Variants in ZBED4 observed in about 807,000 individuals in gnomAD.
ZBED4 encodes the protein zinc finger BED domain-containing protein 4.
ZBED4 carries 4 observed loss-of-function variants against 15.5 expected under a neutral mutation model. That is an observed-to-expected ratio of 0.26 (90% CI 0.13 to 0.59). ZBED4 has a LOEUF of 0.59. ZBED4 is among the 20% of genes least tolerant of loss of function. The pLI is 0.90. For synonymous variants in ZBED4, 692 were observed against 608.5 expected, an observed-to-expected ratio of 1.14 and a Z score of -2.02; for missense variants, 1,323 against 1,461.8, an observed-to-expected ratio of 0.91 and a Z score of 1.55.
At chr22:49,872,800 G>A (rs1185222352) in intron 1 of ZBED4, among the ~76,000 whole-genome samples, 2 of 151,922 alleles carry the variant, frequency 1.3e-5, no homozygotes, top group Non-Finnish European at 2.9e-5. Flanking sequence ...TGCCTCCCAG[G>A]TTCAAGCGAA....
chr22:49,879,807 G>A lies in ZBED4; in HGVS notation c.-329-3527G>A, dbSNP rs1185055880. Among the ~76,000 whole-genome samples, 3 of 8,444 alleles carry A rather than the reference G, an allele frequency of 3.6e-4. No homozygotes were observed. In the African/African-American group the frequency reaches 4.7e-3, roughly 13 times the overall value. The allele number at this position is 8,444 out of a possible 152,430, so 5.5% of individuals were successfully genotyped here. A position where few individuals can be genotyped will look rare whatever the true frequency, so the allele number is the denominator to read the frequency against. On this transcript the variant is annotated intron_variant, in intron 1 of 1. Coordinates refer to ENST00000216268, the MANE Select transcript of ZBED4 (RefSeq NM_014838.3). Reference sequence around the variant, plus strand: ...GGTTTTTCTCCTGGTCAGTGTCTGGGCGTGTTTCTATTGGTTGGTTTTTCT... The same window carrying A: ...GGTTTTTCTCCTGGTCAGTGTCTGGACGTGTTTCTATTGGTTGGTTTTTCT...
At chr22:49,859,818 G>A (rs1009304148) in intron 1 of ZBED4, among the ~76,000 whole-genome samples, 2 of 152,204 alleles carry the variant, frequency 1.3e-5, no homozygotes, top group African/African-American at 2.4e-5. Context: ...TTGAGCTCAG[G>A]AGTTCCAGAC....
intron 1 of ZBED4, among the ~76,000 whole-genome samples, chr22:49,878,870 C>T (rs1013144179): frequency 5.8e-4 from 88 of 151,978 alleles, no homozygotes; most frequent in Middle Eastern, 3.4e-3. Context: ...GTGGGCCAGG[C>T]GTGGTGGCTC....
Position 49,859,390 on chromosome 22 carries a change from A to T in ZBED4, c.-330+5401A>T, listed in dbSNP as rs186964223. ...AAGCCTTTTGTTTTGTGATGCTCAAATAGCTATAAATGTGACTAGTTGGGA... is the reference window on the plus strand; with the variant it reads ...AAGCCTTTTGTTTTGTGATGCTCAATTAGCTATAAATGTGACTAGTTGGGA... On this transcript the variant is annotated intron_variant, in intron 1 of 1. Transcript: ENST00000216268. 6.6e-5 allele frequency among the ~76,000 whole-genome samples: 10 copies of T among 152,162 alleles called. No individual in the cohort carries two copies. The East Asian group carries it at 1.7e-3, about 26-fold the overall frequency.
rs576561067 is a variant in ZBED4 at position 49,874,730 on chromosome 22, A to G, written c.-329-8604A>G. Among the ~76,000 whole-genome samples the G allele has an allele frequency of 4.5e-4, 51 of 113,202 alleles. No individual in the cohort carries two copies. The Admixed American group carries it at 4.7e-3, about 10-fold the overall frequency. 74.3% of individuals were successfully genotyped at this position (113,202 alleles called of 152,430 possible). A position where few individuals can be genotyped will look rare whatever the true frequency, so the allele number is the denominator to read the frequency against. The stretch of plus-strand genomic sequence containing the variant: ...GAGTCTCACTCTGTCGCCAGGCTGG[A>G]GGGCAATGGCTCGATCTCAGCTCAC... On this transcript the variant is annotated intron_variant, in intron 1 of 1. Transcript: ENST00000216268.
Position 49,887,698 on chromosome 22 carries a change from G to A in ZBED4, c.*520G>A, listed in dbSNP as rs1385300770. 6.0e-6 allele frequency: 1 copy of A among 168,052 alleles called. No homozygotes were observed. The highest frequency in any genetic ancestry group is 1.5e-5 in the Non-Finnish European group (1 of 68,726). The allele number at this position is 168,052 out of a possible 1,614,324, so 10.4% of individuals were successfully genotyped here. Reference sequence around the variant, plus strand: ...AACCGCAGGTTCTAAAGTGTCCCGCGGAGTACAGATAATATTCTGGAAGGT... The same window carrying A: ...AACCGCAGGTTCTAAAGTGTCCCGCAGAGTACAGATAATATTCTGGAAGGT... On this transcript the variant is annotated 3_prime_UTR_variant, in exon 2 of 2. Transcript: ENST00000216268.
In ZBED4 at chr22:49,884,979, A is replaced by G. The variant is rs146505525; in HGVS notation, c.1317A>G (p.Arg439=). 3 of 1,613,496 alleles carry G rather than the reference A, an allele frequency of 1.9e-6. No homozygotes were observed. Among genetic ancestry groups the G allele is most frequent in the Non-Finnish European group, 2.5e-6 (3 of 1,179,678 alleles). Residue 439 remains arginine, a synonymous_variant, in exon 2 of 2, where the codon AGA becomes AGG. Transcript: ENST00000216268. ...AGCAGGCTGATGGGCTGAGTCCTAG[A>G]TTGTTTGAATCTGGCGCCATCTTCC... ...EKQQADGLSP[R]LFESGAIFQQ...
upstream of ZBED4, chr22:49,853,212 G>A (rs1030184768): frequency 6.6e-6 from 1 of 152,444 alleles, no homozygotes; most frequent in Non-Finnish European, 1.5e-5. Context: ...CCTGAGAAGC[G>A]GGCGAGTCCC....
Position 49,883,671 on chromosome 22 carries a change from TA to T in ZBED4, c.11del (p.Asn4ThrfsTer2). 1 of 1,578,796 alleles carries T rather than the reference TA, an allele frequency of 6.3e-7. No homozygotes were observed. Among genetic ancestry groups the T allele is most frequent in the Non-Finnish European group, 8.6e-7 (1 of 1,157,406 alleles). On this transcript the variant is annotated frameshift_variant, in exon 2 of 2. Coordinates refer to ENST00000216268, the MANE Select transcript of ZBED4 (RefSeq NM_014838.3). LOFTEE classifies it low-confidence loss of function (END_TRUNC). MEN[N>X]LKTCPKEDGD... ...AGTAGTTATGGTCAGTCATGGAGAA[TA>T]ACTTGAAAACTTGTCCCAAAGAGGA...
chr22:49,878,030 C>T (rs566907253), intron 1 of ZBED4, among the ~76,000 whole-genome samples: 1 of 152,010 alleles, frequency 6.6e-6, no homozygotes, highest in Non-Finnish European at 1.5e-5. Flanking sequence ...AGAGGCCAGG[C>T]GTGGTGGCTC....
intron 1 of ZBED4, among the ~76,000 whole-genome samples, chr22:49,869,417 A>T (rs761596315): frequency 8.5e-5 from 13 of 152,184 alleles, no homozygotes; most frequent in Non-Finnish European, 1.9e-4. Flanking sequence ...TTCATCTCTG[A>T]CTGGAGAACA....
chr22:49,884,325 A>C lies in ZBED4; in HGVS notation c.663A>C (p.Arg221=). Residue 221 remains arginine, a synonymous_variant, in exon 2 of 2, where the codon CGA becomes CGC. Transcript: ENST00000216268. ...CGTCTAAGATCCCGTCCCCCGATCG[A>C]ATAACAGAGGAGTCTGTGTCTGTAG... ...KVASKIPSPD[R]ITEESVSVVS... 1 of 1,613,844 alleles carries C rather than the reference A, an allele frequency of 6.2e-7. No individual in the cohort carries two copies. The highest frequency in any genetic ancestry group is 1.3e-5 in the African/African-American group (1 of 75,064).
Position 49,887,079 on chromosome 22 carries a change from T to C in ZBED4, c.3417T>C (p.Thr1139=), listed in dbSNP as rs748273258. The C allele has an allele frequency of 4.3e-6, 7 of 1,614,060 alleles. No homozygotes were observed. In the African/African-American group the frequency reaches 6.7e-5, roughly 15 times the overall value. The change falls in exon 2 of 2, where the codon ACT becomes ACC. Residue 1139 remains threonine (T), a synonymous_variant. Transcript: ENST00000216268. ...VPSEKLFNTP[T]ENGSLGQSRL... Reference sequence around the variant, plus strand: ...CAGAAAAGCTGTTCAACACACCCACTGAGAACGGTAGCCTTGGCCAATCCA... The same window carrying C: ...CAGAAAAGCTGTTCAACACACCCACCGAGAACGGTAGCCTTGGCCAATCCA...
chr22:49,874,215 A>C (rs906265847), intron 1 of ZBED4, among the ~76,000 whole-genome samples: 1 of 152,186 alleles, frequency 6.6e-6, no homozygotes, highest in African/African-American at 2.4e-5. Flanking sequence ...GATGAGTATG[A>C]TGGGAGCTGC....
At chr22:49,860,352 C>T (rs1021287522) in intron 1 of ZBED4, among the ~76,000 whole-genome samples, 1 of 152,146 alleles carries the variant, frequency 6.6e-6, no homozygotes, top group South Asian at 2.1e-4. Context: ...TACTTAATTT[C>T]TTTGATTCTT....
In ZBED4 at chr22:49,885,496, C is replaced by G. The variant is rs566333083; in HGVS notation, c.1834C>G (p.Leu612Val). The G allele has an allele frequency of 4.3e-6, 7 of 1,611,530 alleles. No homozygotes were observed. The highest frequency in any genetic ancestry group is 5.9e-6 in the Non-Finnish European group (7 of 1,177,834). The change falls in exon 2 of 2, where the codon CTG becomes GTG. Residue 612 changes from leucine to valine, a missense_variant. Transcript: ENST00000216268. Reference sequence around the variant, plus strand: ...TTTACAGCGGTTCCATAGCAACGTGCTGAAAACTGAGGTCTCGGAGACGGC... The same window carrying G: ...TTTACAGCGGTTCCATAGCAACGTGGTGAAAACTGAGGTCTCGGAGACGGC... ...RHLQRFHSNV[L>V]KTEVSETARP...
intron 1 of ZBED4, among the ~76,000 whole-genome samples, chr22:49,865,053 A>C (rs910651176): frequency 6.6e-6 from 1 of 150,384 alleles, no homozygotes; most frequent in Non-Finnish European, 1.5e-5. Flanking sequence ...CCCGGGTCTC[A>C]CTAAGGGCAG....
rs750756696 is a variant in ZBED4 at position 49,883,950 on chromosome 22, C to T, written c.288C>T (p.Asp96=). ...CCCAGTACAGCAGCACCCTATACGA[C>T]GTGGCCATGGAGGCCGTGACCCAGA... ...LFSQYSSTLY[D]VAMEAVTQSL... is the part of the protein sequence containing the mutation. The change falls in exon 2 of 2, where the codon GAC becomes GAT. Residue 96 remains aspartate (D), a synonymous_variant. Transcript: ENST00000216268. 12 of 1,613,624 alleles carry T rather than the reference C, an allele frequency of 7.4e-6. No individual in the cohort carries two copies. The highest frequency in any genetic ancestry group is 2.2e-5 in the South Asian group (2 of 91,044).
chr22:49,857,491 T>G (rs2147497176), intron 1 of ZBED4, among the ~76,000 whole-genome samples: 1 of 152,322 alleles, frequency 6.6e-6, no homozygotes, highest in South Asian at 2.1e-4. Flanking sequence ...AAGACGCCCT[T>G]ACCTGGGTTC....
Sources: gnomAD v4.1 joint callset for allele counts (sites outside exome capture counted in the v4.1 genomes callset) on GRCh38, gnomAD v4.1.1 for gene constraint, MANE v1.5 for transcripts, NCBI Gene and HGNC (gene_info 2026-07-23, HGNC 2026-07-21) for gene names.